The following CCDC197 variants were observed in gnomAD, a reference collection of about 807,000 sequenced individuals.
CCDC197 encodes uncharacterized protein CCDC197.
CCDC197 carries 24 observed loss-of-function variants against 13.4 expected under a neutral mutation model. The observed-to-expected ratio is 1.80, with a 90% confidence interval of 1.30 to 2.53. The LOEUF is 2.53. Ranked by LOEUF, CCDC197 falls within the 30% of genes most tolerant of loss-of-function variation. CCDC197 has a pLI of 0.00. For synonymous variants in CCDC197, 99 were observed against 55.5 expected, an observed-to-expected ratio of 1.78 and a Z score of -3.48; for missense variants, 255 against 148.8, an observed-to-expected ratio of 1.71 and a Z score of -3.71.
chr14:94,004,645 T>C (rs561401177), intron 5 of CCDC197, among the ~76,000 whole-genome samples: 1 of 152,276 alleles, frequency 6.6e-6, no homozygotes, highest in Non-Finnish European at 1.5e-5. Context: ...TAGTCCAACC[T>C]GCCTCTTTGC....
At chr14:94,006,533 T>C (rs916243003) in intron 6 of CCDC197, among the ~76,000 whole-genome samples, 1 of 151,938 alleles carries the variant, frequency 6.6e-6, no homozygotes, top group Admixed American at 6.6e-5. Context: ...AGTTTTGTAT[T>C]TCTATTAGAG....
chr14:93,999,177 T>A (rs1313268078), intron 2 of CCDC197, among the ~76,000 whole-genome samples: 2 of 152,142 alleles, frequency 1.3e-5, no homozygotes, highest in Non-Finnish European at 2.9e-5. Context: ...TCATCCCTGC[T>A]GTAGATGGGC....
chr14:93,990,641 TG>T (rs1242266302), intron 1 of CCDC197, among the ~76,000 whole-genome samples: 1 of 152,120 alleles, frequency 6.6e-6, no homozygotes, highest in African/African-American at 2.4e-5. Context: ...CACCCTCTAG[TG>T]GACTGTGAGG....
At chr14:94,004,830 C>T (rs1336241042) in intron 5 of CCDC197, 25 bp from the exon 6 acceptor site, 1 of 701,754 alleles carries the variant, frequency 1.4e-6, no homozygotes, top group African/African-American at 1.7e-5. Context: ...CCTGAGCCAC[C>T]ACCTCCTCCT....
At chr14:94,010,074 T>A (rs1890783303), downstream of CCDC197, among the ~76,000 whole-genome samples, 1 of 152,170 alleles carries the variant, frequency 6.6e-6, no homozygotes. Context: ...CAGGTGCTGC[T>A]GGGAGAGGGT....
At chr14:93,992,652 G>A (rs544777157), upstream of CCDC197, among the ~76,000 whole-genome samples, 11 of 152,322 alleles carry the variant, frequency 7.2e-5, no homozygotes, top group East Asian at 3.9e-4. Context: ...CATAGACACC[G>A]GAAGGCCCAG....
At chr14:94,000,668 G>A (rs552522759) in intron 3 of CCDC197, among the ~76,000 whole-genome samples, 1 of 152,194 alleles carries the variant, frequency 6.6e-6, no homozygotes, top group African/African-American at 2.4e-5. Context: ...AGGGCTGCAG[G>A]TCAAGCATGG....
At chr14:94,010,447 G>A (rs567145043), downstream of CCDC197, among the ~76,000 whole-genome samples, 111 of 152,292 alleles carry the variant, frequency 7.3e-4, no homozygotes, top group African/African-American at 2.5e-3. Context: ...CAGGTGATCC[G>A]CCCGCCTTGG....
intron 1 of CCDC197, among the ~76,000 whole-genome samples, chr14:93,988,029 G>C (rs1890130846): frequency 8.4e-6 from 1 of 118,798 alleles, no homozygotes; most frequent in African/African-American, 3.3e-5. Context: ...GAGGGGTGAG[G>C]CCAGAGAGGA....
At chr14:94,011,660 G>A (rs1336730381), downstream of CCDC197, among the ~76,000 whole-genome samples, 2 of 152,184 alleles carry the variant, frequency 1.3e-5, no homozygotes, top group African/African-American at 4.8e-5. Context: ...AAGGGCATTT[G>A]GAGAAAAAAT....
intron 3 of CCDC197, 162 bp from the exon 4 acceptor site, chr14:94,000,983 G>A: frequency 2.1e-6 from 1 of 470,782 alleles, no homozygotes. Flanking sequence ...GGCGGGTGTG[G>A]ATGGCAAGCC....
chr14:93,999,904 G>A (rs574957923), intron 3 of CCDC197, among the ~76,000 whole-genome samples: 46 of 152,300 alleles, frequency 3.0e-4, no homozygotes, highest in Non-Finnish European at 6.0e-4. Flanking sequence ...TCAAGGCCTT[G>A]ATTTTCTTAT....
chr14:93,998,840 G>A (rs950997796), intron 2 of CCDC197, among the ~76,000 whole-genome samples: 8 of 152,172 alleles, frequency 5.3e-5, no homozygotes, highest in Non-Finnish European at 4.4e-5. Flanking sequence ...GATGAGAGAG[G>A]GAGGGCCCAG....
Position 94,001,339 on chromosome 14 carries a change from A to G in CCDC197, c.366+16A>G, listed in dbSNP as rs760462714. ...TCTCATGTTGGTAACAGCTGCTTGA[A>G]GTCTGCTCCATTCCCCGTGGCCCAG... On this transcript the variant is annotated intron_variant, in intron 4 of 6. Transcript: ENST00000636493. 2 of 750,374 alleles carry G rather than the reference A, an allele frequency of 2.7e-6. No homozygotes were observed. The highest frequency in any genetic ancestry group is 1.4e-5 in the South Asian group (1 of 70,766). 46.5% of individuals were successfully genotyped at this position (750,374 alleles called of 1,614,324 possible).
intron 4 of CCDC197, 69 bp downstream of exon 4, chr14:94,001,392 C>T: frequency 1.5e-6 from 1 of 654,392 alleles, no homozygotes; most frequent in Admixed American, 2.4e-5. Context: ...GCCCCCTTTC[C>T]TGCATAGCCC....
At chr14:93,994,070 C>A (rs144258620), upstream of CCDC197, among the ~76,000 whole-genome samples, 3 of 152,166 alleles carry the variant, frequency 2.0e-5, no homozygotes, top group African/African-American at 7.2e-5. Context: ...AGAGCCAGGG[C>A]GGTGAAGAGG....
At position 94,001,151 on chromosome 14, in the gene CCDC197, C is replaced by T. The variant is rs59505521; in HGVS notation, c.194C>T (p.Thr65Met). The T allele has an allele frequency of 3.8e-3, 2,932 of 777,792 alleles. 60 individuals are homozygous for T. In the African/African-American group the frequency reaches 0.043, roughly 12 times the overall value. 48.2% of individuals were successfully genotyped at this position (777,792 alleles called of 1,614,324 possible). ...KVLEKIPEGC[T>M]GWEEPEEVLV... ...CATGGCGCTGTCTCCGTAGGCTGCA[C>T]GGGATGGGAGGAGCCGGAGGAGGTG... The change falls in exon 4 of 7, where the codon ACG (threonine) becomes ATG (methionine). Residue 65 changes from threonine to methionine, a missense_variant. Physicochemically the swap from Thr to Met is moderately conservative, Grantham distance 81. Coordinates refer to ENST00000636493, the MANE Select transcript of CCDC197 (RefSeq NM_001351596.2).
intron 1 of CCDC197, among the ~76,000 whole-genome samples, chr14:93,987,773 T>C (rs1890124552): frequency 6.6e-6 from 1 of 152,088 alleles, no homozygotes; most frequent in South Asian, 2.1e-4. Flanking sequence ...TGACAGGGGC[T>C]GCAGGAGACG....
At position 94,001,242 on chromosome 14, in the gene CCDC197, C is replaced by A. The variant is rs761339393; in HGVS notation, c.285C>A (p.Arg95=). Residue 95 remains arginine, a synonymous_variant, in exon 4 of 7, where the codon CGC becomes CGA. Coordinates refer to ENST00000636493, the MANE Select transcript of CCDC197 (RefSeq NM_001351596.2). The part of the protein sequence containing the change: ...LFTASQDTQK[R]LEAFCQMIQA... ...CAGCCAGCCAGGACACGCAGAAGCG[C>A]CTCGAGGCCTTCTGCCAGATGATCC... 1 of 780,902 alleles carries A rather than the reference C, an allele frequency of 1.3e-6. No homozygotes were observed. The highest frequency in any genetic ancestry group is 1.7e-5 in the Admixed American group (1 of 59,006). The allele number at this position is 780,902 out of a possible 1,614,324, so 48.4% of individuals were successfully genotyped here. A position where few individuals can be genotyped will look rare whatever the true frequency, so the allele number is the denominator to read the frequency against.
Sources: allele counts gnomAD v4.1 joint callset (sites outside exome capture counted in the v4.1 genomes callset), GRCh38; gene constraint gnomAD v4.1.1; transcripts MANE v1.5; gene names NCBI Gene and HGNC (gene_info 2026-07-23, HGNC 2026-07-21).